Variants in SLC2A13 observed in about 807,000 individuals in gnomAD.
SLC2A13 encodes proton myo-inositol cotransporter.
In SLC2A13, 32 loss-of-function variants were observed where a neutral mutation model predicts 64.4. The observed-to-expected ratio is 0.50, with a 90% CI of 0.37 to 0.67. SLC2A13 has a LOEUF of 0.67. Among genes scored for constraint, SLC2A13 ranks in the 30% least tolerant of loss-of-function variants. SLC2A13 has a pLI of 0.00. For missense variants in SLC2A13, 743 were observed against 829.2 expected (o/e 0.90, Z 1.28); for synonymous variants, 338 against 327.1 (o/e 1.03, Z -0.36).
At chr12:40,011,751 T>C (rs1257783443) in intron 3 of SLC2A13, among the ~76,000 whole-genome samples, 2 of 152,184 alleles carry the variant, frequency 1.3e-5, no homozygotes, top group East Asian at 3.9e-4. Flanking sequence ...TTGCCTTCTC[T>C]GAAATTCAGA....
At position 39,956,186 on chromosome 12, in the gene SLC2A13, C is replaced by T. The variant is rs28370689; in HGVS notation, c.926-4821G>A. Among the ~76,000 whole-genome samples, 566 of 152,206 alleles carry T rather than the reference C, an allele frequency of 3.7e-3. 4 individuals carry two copies. Among genetic ancestry groups the T allele is most frequent in the African/African-American group, 0.013 (529 of 41,534 alleles). ...TCCAAACTCACTCAAGAAGAAATAG[C>T]CTGAGTAGCCAGCCCTATAAGCTAT... On this transcript the variant is annotated intron_variant, in intron 3 of 9. Coordinates refer to ENST00000280871, the MANE Select transcript of SLC2A13 (RefSeq NM_052885.4).
At chr12:40,088,024 T>C (rs1938642047) in intron 1 of SLC2A13, among the ~76,000 whole-genome samples, 1 of 152,228 alleles carries the variant, frequency 6.6e-6, no homozygotes, top group African/African-American at 2.4e-5. Flanking sequence ...ACATTTACTG[T>C]ATACTACCAT....
intron 1 of SLC2A13, among the ~76,000 whole-genome samples, chr12:40,071,600 T>C (rs1302175879): frequency 6.6e-6 from 1 of 152,184 alleles, no homozygotes; most frequent in Non-Finnish European, 1.5e-5. Flanking sequence ...CTCTTAAATC[T>C]TTGCTAGAAT....
At chr12:40,032,334 C>T (rs1947918211) in intron 2 of SLC2A13, among the ~76,000 whole-genome samples, 1 of 152,218 alleles carries the variant, frequency 6.6e-6, no homozygotes, top group Non-Finnish European at 1.5e-5. Flanking sequence ...ACATGCCAAG[C>T]TCTCATGAGT....
chr12:39,919,039 G>A (rs1044280204), intron 4 of SLC2A13, among the ~76,000 whole-genome samples: 1 of 151,478 alleles, frequency 6.6e-6, no homozygotes, highest in Non-Finnish European at 1.5e-5. Context: ...GGAGTGCAGT[G>A]GTTCAATCAT....
chr12:39,947,652 G>T (rs557349663), intron 4 of SLC2A13, among the ~76,000 whole-genome samples: 26 of 148,270 alleles, frequency 1.8e-4, no homozygotes, highest in African/African-American at 6.4e-4. Context: ...ATCACAGTGA[G>T]AATTTCTTTT....
chr12:39,859,396 A>G (rs1358669267), intron 6 of SLC2A13, among the ~76,000 whole-genome samples: 1 of 148,002 alleles, frequency 6.8e-6, no homozygotes, highest in African/African-American at 2.5e-5. Context: ...ATGTACTGGC[A>G]TCACCTGGGG....
Position 40,031,188 on chromosome 12 carries a change from C to A in SLC2A13, c.717-2679G>T, listed in dbSNP as rs559725888. Among the ~76,000 whole-genome samples the A allele has an allele frequency of 2.0e-5, 3 of 152,222 alleles. No individual in the cohort carries two copies. In the East Asian group the frequency reaches 5.8e-4, roughly 29 times the overall value. ...TCACTTCAGCTCCGGGCATACAAACCACAAGAACCTGGTCAAGTTACTTAC... is the reference window on the plus strand; with the variant it reads ...TCACTTCAGCTCCGGGCATACAAACAACAAGAACCTGGTCAAGTTACTTAC... On this transcript the variant is annotated intron_variant, in intron 2 of 9. Transcript: ENST00000280871.
intron 2 of SLC2A13, among the ~76,000 whole-genome samples, chr12:40,043,257 T>A (rs987074615): frequency 2.8e-4 from 43 of 152,190 alleles, no homozygotes; most frequent in Admixed American, 1.2e-3. Flanking sequence ...AACTAAGCAA[T>A]TTTCAAAAAA....
At chr12:39,972,014 AT>A (rs1217967420) in intron 3 of SLC2A13, among the ~76,000 whole-genome samples, 1,686 of 12,188 alleles carry the variant, frequency 0.14, 43 homozygotes, top group African/African-American at 0.17. Context: ...ATATATATAT[AT>A]TTTTTTTTAT....
rs947378048 is a variant in SLC2A13 at position 39,909,399 on chromosome 12, GA to G, written c.1035-37439del. 2.3e-3 allele frequency among the ~76,000 whole-genome samples: 343 copies of G among 150,976 alleles called. 1 individual carries two copies. The highest frequency in any genetic ancestry group is 9.0e-4 in the Non-Finnish European group (61 of 67,664). The stretch of plus-strand genomic sequence containing the variant: ...ACAGCTTGCATTTGTCAATAAGGTG[GA>G]AAAAAAAATCGCCATTCAATTTTTC... On this transcript the variant is annotated intron_variant, in intron 4 of 9. Coordinates refer to ENST00000280871, the MANE Select transcript of SLC2A13 (RefSeq NM_052885.4).
chr12:40,102,171 C>A (rs1343739516), intron 1 of SLC2A13, among the ~76,000 whole-genome samples: 1 of 152,156 alleles, frequency 6.6e-6, no homozygotes. Flanking sequence ...CTTTTAATTG[C>A]TTGTTTATGT....
Position 40,053,432 on chromosome 12 carries a change from G to T in SLC2A13, c.557-5222C>A, listed in dbSNP as rs532032715. Among the ~76,000 whole-genome samples, 13 of 152,152 alleles carry T rather than the reference G, an allele frequency of 8.5e-5. No individual in the cohort carries two copies. The South Asian group carries it at 2.7e-3, about 32-fold the overall frequency. ...ACATGGCAAGTTAATGTCAAAATGG[G>T]TCTCACAGATCTAGGTCCTCTAACC... On this transcript the variant is annotated intron_variant, in intron 1 of 9. Transcript: ENST00000280871.
At chr12:39,902,323 T>C (rs1831849724) in intron 4 of SLC2A13, among the ~76,000 whole-genome samples, 1 of 151,718 alleles carries the variant, frequency 6.6e-6, no homozygotes, top group African/African-American at 2.4e-5. Flanking sequence ...AAATGTACCC[T>C]AAAAATTAAA....
At chr12:39,973,981 C>T (rs568035042) in intron 3 of SLC2A13, among the ~76,000 whole-genome samples, 1 of 152,202 alleles carries the variant, frequency 6.6e-6, no homozygotes, top group Non-Finnish European at 1.5e-5. Flanking sequence ...GGACCAGAGT[C>T]AGTGGGAAAA....
chr12:39,765,998 A>T (rs949823676), intron 7 of SLC2A13, among the ~76,000 whole-genome samples: 2 of 152,058 alleles, frequency 1.3e-5, no homozygotes, highest in Non-Finnish European at 2.9e-5. Context: ...TGTGCTCCGT[A>T]TAATGCATTG....
At chr12:39,950,409 A>C (rs1946207297) in intron 4 of SLC2A13, 1 of 152,222 alleles carries the variant, frequency 6.6e-6, no homozygotes, top group African/African-American at 2.4e-5. Flanking sequence ...GCCCTGGGAA[A>C]GCACATAACC....
chr12:39,852,735 T>A (rs754442732), intron 6 of SLC2A13, among the ~76,000 whole-genome samples: 5 of 152,212 alleles, frequency 3.3e-5, no homozygotes, highest in Non-Finnish European at 5.9e-5. Context: ...CTTTCTGCAT[T>A]GCAGATGAAA....
chr12:39,848,227 C>G (rs544514817), intron 6 of SLC2A13, among the ~76,000 whole-genome samples: 1 of 152,268 alleles, frequency 6.6e-6, no homozygotes, highest in African/African-American at 2.4e-5. Flanking sequence ...AAACTATCAA[C>G]AGAGTAAACA....
Sources: allele counts gnomAD v4.1 joint callset (sites outside exome capture counted in the v4.1 genomes callset), GRCh38; gene constraint gnomAD v4.1.1; transcripts MANE v1.5; gene names NCBI Gene and HGNC (gene_info 2026-07-23, HGNC 2026-07-21).